The following AFAP1L1 variants were observed in gnomAD, a reference collection of about 807,000 sequenced individuals.
AFAP1L1 encodes actin filament-associated protein 1-like 1.
Under a neutral mutation model 99.8 loss-of-function variants are expected in AFAP1L1, and 77 were observed. The ratio of observed to expected loss-of-function variants is 0.77; its 90% confidence interval spans 0.64 to 0.93. The LOEUF (loss-of-function observed/expected upper bound fraction) is 0.93. Among genes scored for constraint, AFAP1L1 ranks in the 40% least tolerant of loss-of-function variants. The pLI, the probability that AFAP1L1 is intolerant of heterozygous loss-of-function variation, is 0.00. For missense variants in AFAP1L1, 893 were observed against 996.8 expected (o/e 0.90, Z 1.40); for synonymous variants, 373 against 395.3 (o/e 0.94, Z 0.67).
At position 149,315,842 on chromosome 5, in the gene AFAP1L1, AC is replaced by A; in HGVS notation, c.1044del (p.Ser349GlnfsTer34). On this transcript the variant is annotated frameshift_variant, in exon 10 of 19. Coordinates refer to ENST00000296721, the MANE Select transcript of AFAP1L1 (RefSeq NM_152406.4). LOFTEE classifies it high-confidence loss of function. ...TCAGAGGCTGTCCCAAGAGAAGCAG[AC>A]CTCAGATTCTGACAGCGTGGGTGTG... ...LDKRLSQEKQ[T>X]SDSDSVGVGD... 6.2e-7 allele frequency: 1 copy of A among 1,614,070 alleles called. No homozygotes were observed. The highest frequency in any genetic ancestry group is 1.1e-5 in the South Asian group (1 of 91,070).
intron 1 of AFAP1L1, among the ~76,000 whole-genome samples, chr5:149,283,160 C>G (rs879780066): frequency 3.9e-5 from 6 of 152,226 alleles, no homozygotes; most frequent in Non-Finnish European, 5.9e-5. Context: ...CTACAGTCAC[C>G]TGACAGGTTC....
In AFAP1L1 at chr5:149,329,829, AGGTACCTATGTG is replaced by A; in HGVS notation, c.1975+3_1975+14del. On this transcript the variant is annotated splice_donor_variant and splice_donor_5th_base_variant and coding_sequence_variant and intron_variant, in exon 16 of 19. Transcript: ENST00000296721. LOFTEE classifies it high-confidence loss of function. ...TGAAGGAAGCCATTCGGAGCAGCCC[AGGTACCTATGTG>A]GGTGTGGTCCTGAGCACCTATGGGT... is the stretch of plus-strand genomic sequence containing the variant. The A allele has an allele frequency of 6.2e-7, 1 of 1,607,354 alleles. No individual in the cohort carries two copies. Among genetic ancestry groups the A allele is most frequent in the Non-Finnish European group, 8.5e-7 (1 of 1,176,884 alleles).
intron 7 of AFAP1L1, among the ~76,000 whole-genome samples, chr5:149,309,234 T>C (rs912786918): frequency 6.6e-6 from 1 of 152,256 alleles, no homozygotes; most frequent in Non-Finnish European, 1.5e-5. Flanking sequence ...CTTAAATGGA[T>C]GCTGAATTTT....
At chr5:149,336,906 A>G (rs1433182181) in intron 18 of AFAP1L1, among the ~76,000 whole-genome samples, 1 of 152,180 alleles carries the variant, frequency 6.6e-6, no homozygotes, top group South Asian at 2.1e-4. Context: ...CAGGCACATC[A>G]GATATGCTCA....
In AFAP1L1 at chr5:149,343,131, AAAAAG is replaced by A. The variant is rs1483655345; in HGVS notation, c.*3106_*3110del. 6.6e-6 allele frequency among the ~76,000 whole-genome samples: 1 copy of A among 152,172 alleles called. No homozygotes were observed. The highest frequency in any genetic ancestry group is 6.5e-5 in the Admixed American group (1 of 15,278). On this transcript the variant is annotated 3_prime_UTR_variant, in exon 19 of 19. Coordinates refer to ENST00000296721, the MANE Select transcript of AFAP1L1 (RefSeq NM_152406.4). ...ACCATATCACCCTTTTCATAAGGCC[AAAAAG>A]AAAATATAAGTTATTGGTCATGACA...
chr5:149,331,941 A>T lies in AFAP1L1; in HGVS notation c.1976-754A>T, dbSNP rs539613747. Among the ~76,000 whole-genome samples the T allele has an allele frequency of 1.2e-4, 18 of 152,170 alleles. No homozygotes were observed. The South Asian group carries it at 2.5e-3, about 21-fold the overall frequency. ...CAAGCAGAGAGAGCTTCTCCTCCCA[A>T]TGACCACCGCAGAGCCCTCTGGATT... On this transcript the variant is annotated intron_variant, in intron 16 of 18. Transcript: ENST00000296721.
intron 1 of AFAP1L1, among the ~76,000 whole-genome samples, chr5:149,292,228 C>T (rs1006538937): frequency 6.6e-6 from 1 of 152,196 alleles, no homozygotes; most frequent in Non-Finnish European, 1.5e-5. Context: ...TTTAATTACT[C>T]ACTTGTCTTT....
Position 149,306,377 on chromosome 5 carries a change from AG to A in AFAP1L1, c.511del (p.Val171Ter). 3 of 1,613,146 alleles carry A rather than the reference AG, an allele frequency of 1.9e-6. No homozygotes were observed. The highest frequency in any genetic ancestry group is 2.5e-6 in the Non-Finnish European group (3 of 1,179,594). On this transcript the variant is annotated frameshift_variant, in exon 6 of 19. Transcript: ENST00000296721. LOFTEE classifies it high-confidence loss of function. Reference protein sequence around the residue: ...EDADSSYPATRVNGELKSSYN... With the variant: ...EDADSSYPATXVNGELKSSYN... ...CGCAGACAGCAGCTACCCTGCAACC[AG>A]GGTGAACGGCGAGCTTAAGAGCTCC...
chr5:149,280,821 C>G (rs904571876), intron 1 of AFAP1L1, among the ~76,000 whole-genome samples: 2 of 152,100 alleles, frequency 1.3e-5, no homozygotes, highest in South Asian at 2.1e-4. Context: ...CCCTCCCCTT[C>G]CCTCCCCTGC....
Position 149,312,116 on chromosome 5 carries a change from T to G in AFAP1L1, c.932T>G (p.Ile311Ser). 1 of 1,613,404 alleles carries G rather than the reference T, an allele frequency of 6.2e-7. No homozygotes were observed. Among genetic ancestry groups the G allele is most frequent in the Non-Finnish European group, 8.5e-7 (1 of 1,179,858 alleles). The change falls in exon 9 of 19, where the codon ATC (isoleucine) becomes AGC (serine). Residue 311 changes from isoleucine to serine, a missense_variant. Physicochemically the swap from Ile to Ser is moderately radical, Grantham distance 142. Coordinates refer to ENST00000296721, the MANE Select transcript of AFAP1L1 (RefSeq NM_152406.4). ...AGCTGTGTGTCCTCTTCACAGGTCA[T>G]CCGAGAAGTGAGCAAGCCAGTTGGG... ...REQAEEWLKV[I>S]REVSKPVGGA...
intron 3 of AFAP1L1, among the ~76,000 whole-genome samples, chr5:149,300,679 A>C (rs1044089377): frequency 6.6e-6 from 1 of 152,242 alleles, no homozygotes; most frequent in East Asian, 1.9e-4. Flanking sequence ...GTGGCTCAGC[A>C]GAAATGATAG....
At chr5:149,303,618 T>G (rs917275947) in intron 5 of AFAP1L1, among the ~76,000 whole-genome samples, 3 of 152,178 alleles carry the variant, frequency 2.0e-5, no homozygotes, top group African/African-American at 7.2e-5. Context: ...ATTATGTCAT[T>G]GAAAATGTCA....
rs1166456312 is a variant in AFAP1L1, at chr5:149,307,412, T to A, written c.546T>A (p.Ser182=). 1 of 1,614,054 alleles carries A rather than the reference T, an allele frequency of 6.2e-7. No homozygotes were observed. The highest frequency in any genetic ancestry group is 8.5e-7 in the Non-Finnish European group (1 of 1,180,006). The change falls in exon 7 of 19, where the codon TCT becomes TCA. Residue 182 remains serine (S), a synonymous_variant. Transcript: ENST00000296721. ...CCGTGACGCCTGCAGATAATGACTC[T>A]GACGCAATGAGCAGCTCCTATGAGT... ...NGELKSSYND[S]DAMSSSYESY... is the part of the protein sequence containing the mutation.
chr5:149,280,186 A>G (rs1255279451), intron 1 of AFAP1L1, among the ~76,000 whole-genome samples: 9 of 152,226 alleles, frequency 5.9e-5, no homozygotes, highest in Non-Finnish European at 8.8e-5. Flanking sequence ...TGTAGACTTC[A>G]TCATTATCCA....
At chr5:149,286,650 G>C (rs1474250742) in intron 1 of AFAP1L1, among the ~76,000 whole-genome samples, 1 of 152,188 alleles carries the variant, frequency 6.6e-6, no homozygotes, top group African/African-American at 2.4e-5. Context: ...GAGGTAAGAG[G>C]ATGGCACATT....
intron 1 of AFAP1L1, among the ~76,000 whole-genome samples, chr5:149,296,828 A>T (rs1459637081): frequency 2.0e-5 from 3 of 152,218 alleles, no homozygotes; most frequent in Non-Finnish European, 4.4e-5. Flanking sequence ...CTCACAATTC[A>T]TCATGGCTGG....
At chr5:149,298,193 TG>T (rs144646587) in intron 1 of AFAP1L1, among the ~76,000 whole-genome samples, 7,634 of 152,080 alleles carry the variant, frequency 0.05, 228 homozygotes, top group Middle Eastern at 0.075. Context: ...GGGCCCAGGG[TG>T]GGGAACAGCA....
chr5:149,342,857 A>G lies in AFAP1L1; in HGVS notation c.*2827A>G, dbSNP rs765635698. ...AACCCGGGAGGTGGAGGTTGCAGTG[A>G]GCCGAGATCGCACCACTGCACTCCA... On this transcript the variant is annotated 3_prime_UTR_variant, in exon 19 of 19. Transcript: ENST00000296721. Among the ~76,000 whole-genome samples, 10 of 152,044 alleles carry G rather than the reference A, an allele frequency of 6.6e-5. No homozygotes were observed. Among genetic ancestry groups the G allele is most frequent in the Non-Finnish European group, 1.5e-4 (10 of 68,004 alleles).
chr5:149,286,014 A>T (rs753937755), intron 1 of AFAP1L1, among the ~76,000 whole-genome samples: 15 of 152,202 alleles, frequency 9.9e-5, no homozygotes, highest in Non-Finnish European at 1.9e-4. Context: ...GTGGACATCG[A>T]ACAAGTCATC....
Sources: gnomAD v4.1 joint callset for allele counts (sites outside exome capture counted in the v4.1 genomes callset) on GRCh38, gnomAD v4.1.1 for gene constraint, MANE v1.5 for transcripts, NCBI Gene and HGNC (gene_info 2026-07-23, HGNC 2026-07-21) for gene names.